Variants in LOC128462377 observed in about 807,000 individuals in gnomAD.
At chr16:89,411,758 C>G in the LOC128462377 span, among the ~76,000 whole-genome samples, 3 of 152,148 alleles carry the variant, frequency 2.0e-5, no homozygotes, top group Non-Finnish European at 4.4e-5. Flanking sequence ...ATCATTTTTC[C>G]CAATGGACAA....
At chr16:89,393,329 G>C in the LOC128462377 span, among the ~76,000 whole-genome samples, 2,998 of 98,782 alleles carry the variant, frequency 0.03, 106 homozygotes, top group African/African-American at 0.11. Context: ...TTTTTTTTTT[G>C]AGACGGAGGC....
the LOC128462377 span, among the ~76,000 whole-genome samples, chr16:89,370,371 C>T: frequency 6.6e-6 from 1 of 152,152 alleles, no homozygotes. Context: ...GTGCCCGGTA[C>T]CTGCCCCAGC....
the LOC128462377 span, among the ~76,000 whole-genome samples, chr16:89,380,393 T>TGA: frequency 6.6e-6 from 1 of 152,188 alleles, no homozygotes; most frequent in African/African-American, 2.4e-5. Flanking sequence ...ATTACAGGTG[T>TGA]GAGCCACTGT....
the LOC128462377 span, among the ~76,000 whole-genome samples, chr16:89,397,436 C>T: frequency 6.6e-6 from 1 of 152,222 alleles, no homozygotes; most frequent in East Asian, 1.9e-4. Context: ...AGCGCCGTAC[C>T]ACTCCCTGCC....
the LOC128462377 span, among the ~76,000 whole-genome samples, chr16:89,379,640 C>A: frequency 6.6e-6 from 1 of 152,236 alleles, no homozygotes; most frequent in African/African-American, 2.4e-5. Context: ...TGCTCCACCA[C>A]TGCTCTCTGC....
the LOC128462377 span, among the ~76,000 whole-genome samples, chr16:89,396,726 G>A: frequency 2.0e-5 from 3 of 152,106 alleles, no homozygotes; most frequent in Non-Finnish European, 2.9e-5. Context: ...TTACTCTGTC[G>A]CCCAGGCTGG....
chr16:89,418,204 A>G, the LOC128462377 span: 15 of 441,726 alleles, frequency 3.4e-5, no homozygotes, highest in East Asian at 5.7e-4. Flanking sequence ...CAACCTGGAC[A>G]CTCACGCATT....
At chr16:89,385,394 G>GCC in the LOC128462377 span, among the ~76,000 whole-genome samples, 1 of 152,134 alleles carries the variant, frequency 6.6e-6, no homozygotes, top group Non-Finnish European at 1.5e-5. Context: ...CTCCCAAAGT[G>GCC]CTGGGATTAC....
chr16:89,417,860 C>T, the LOC128462377 span, among the ~76,000 whole-genome samples: 214 of 152,146 alleles, frequency 1.4e-3, no homozygotes, highest in Admixed American at 2.2e-3. Flanking sequence ...AGGATCCTAA[C>T]GAGCAGAACA....
chr16:89,368,014 A>G, the LOC128462377 span, among the ~76,000 whole-genome samples: 112 of 152,122 alleles, frequency 7.4e-4, no homozygotes, highest in African/African-American at 2.6e-3. Context: ...TCAAAACAAA[A>G]AACAAAAAAA....
At chr16:89,374,957 T>C in the LOC128462377 span, among the ~76,000 whole-genome samples, 1 of 152,170 alleles carries the variant, frequency 6.6e-6, no homozygotes. Context: ...ATGTCATGAA[T>C]GTACAAAATA....
the LOC128462377 span, among the ~76,000 whole-genome samples, chr16:89,380,237 C>A: frequency 6.6e-6 from 1 of 152,118 alleles, no homozygotes; most frequent in Non-Finnish European, 1.5e-5. Flanking sequence ...CTCTGCCCCC[C>A]GAGTAGTTGG....
the LOC128462377 span, among the ~76,000 whole-genome samples, chr16:89,351,905 A>G: frequency 6.6e-6 from 1 of 152,128 alleles, no homozygotes; most frequent in Admixed American, 6.5e-5. Flanking sequence ...AATCCTCTCA[A>G]TCAAGCTGGT....
chr16:89,415,846 A>AAAAAAAAG, the LOC128462377 span, among the ~76,000 whole-genome samples: 1 of 146,378 alleles, frequency 6.8e-6, no homozygotes, highest in Non-Finnish European at 1.5e-5. Flanking sequence ...AAAAAAAAAA[A>AAAAAAAAG]AAAACAATGG....
At chr16:89,317,687 C>T in the LOC128462377 span, among the ~76,000 whole-genome samples, 1 of 152,242 alleles carries the variant, frequency 6.6e-6, no homozygotes, top group African/African-American at 2.4e-5. Context: ...CAGACGCCCC[C>T]TCGGGCCTCA....
At chr16:89,382,384 G>A in the LOC128462377 span, among the ~76,000 whole-genome samples, 1 of 151,948 alleles carries the variant, frequency 6.6e-6, no homozygotes, top group African/African-American at 2.4e-5. Context: ...GGAGGGCAAT[G>A]GTGCAATCTC....
the LOC128462377 span, among the ~76,000 whole-genome samples, chr16:89,351,331 G>T: frequency 1.9e-3 from 289 of 152,302 alleles, 2 homozygotes; most frequent in Non-Finnish European, 3.1e-3. Context: ...TGGCATCCAT[G>T]GCCCTAGGGA....
At chr16:89,322,122 G>C in the LOC128462377 span, among the ~76,000 whole-genome samples, 7 of 152,304 alleles carry the variant, frequency 4.6e-5, no homozygotes, top group African/African-American at 1.7e-4. Context: ...AAAGTTAAAA[G>C]TTCTACACAA....
the LOC128462377 span, among the ~76,000 whole-genome samples, chr16:89,411,155 G>A: frequency 5.3e-5 from 8 of 152,262 alleles, no homozygotes; most frequent in Non-Finnish European, 1.2e-4. Flanking sequence ...TCGGGCCCAC[G>A]CTGGCTGTCC....
Sources: allele counts gnomAD v4.1 joint callset (sites outside exome capture counted in the v4.1 genomes callset), GRCh38; gene constraint gnomAD v4.1.1; transcripts MANE v1.5.